Variants in CNGA1 observed in about 807,000 individuals in gnomAD.
The protein encoded by CNGA1 is cyclic nucleotide gated channel subunit alpha 1.
A neutral mutation model predicts 69.7 loss-of-function variants in CNGA1; 53 were observed. That is an observed-to-expected ratio of 0.76 (90% CI 0.61 to 0.96). CNGA1 has a LOEUF of 0.96. Ranked by LOEUF, CNGA1 falls within the 40% of genes least tolerant of loss-of-function variation. The probability of loss-of-function intolerance (pLI) is 0.00; values close to 1 mark genes in which losing one functional copy is unlikely to be tolerated. For synonymous variants in CNGA1, 249 were observed against 283.5 expected (o/e 0.88, Z 1.22); for missense variants, 739 against 811.2 (o/e 0.91, Z 1.08).
At chr4:47,938,397 ATT>A (rs10647718) in intron 10 of CNGA1, among the ~76,000 whole-genome samples, 65 of 142,712 alleles carry the variant, frequency 4.6e-4, no homozygotes, top group Non-Finnish European at 7.0e-4. Flanking sequence ...TACTAAGTGC[ATT>A]TTTTTTTTTT....
At chr4:47,950,967 T>A (rs1739703611) in intron 5 of CNGA1, among the ~76,000 whole-genome samples, 1 of 152,190 alleles carries the variant, frequency 6.6e-6, no homozygotes, top group Admixed American at 6.5e-5. Context: ...CAGAAAGGAC[T>A]GGGTTTCTTA....
chr4:47,951,271 C>T, intron 5 of CNGA1, 82 bp downstream of exon 5: 2 of 858,492 alleles, frequency 2.3e-6, no homozygotes, highest in Non-Finnish European at 4.0e-6. Context: ...TCACCATGAT[C>T]TGATTGCAAA....
chr4:47,936,633 T>C lies in CNGA1; in HGVS notation c.1849A>G (p.Lys617Glu). The change falls in exon 11 of 11, where the codon AAA (lysine) becomes GAA (glutamate). Residue 617 changes from lysine to glutamate, a missense_variant. Transcript: ENST00000514170. ...LNIANAGSDP[K>E]DLEEKVTRME... ...CGAGTAACCTTCTCTTCAAGATCTT[T>C]AGGATCACTGCCAGCATTTGCAATG... 1 of 1,614,170 alleles carries C rather than the reference T, an allele frequency of 6.2e-7. No individual in the cohort carries two copies. The highest frequency in any genetic ancestry group is 8.5e-7 in the Non-Finnish European group (1 of 1,180,012).
intron 2 of CNGA1, 112 bp downstream of exon 2, chr4:48,010,682 C>CT (rs1715115569): frequency 6.5e-6 from 1 of 153,432 alleles, no homozygotes; most frequent in Non-Finnish European, 1.4e-5. Flanking sequence ...GACTAGTGTT[C>CT]AGCTCGATTA....
intron 1 of CNGA1, among the ~76,000 whole-genome samples, chr4:48,012,558 C>CTTTTTTTTTTTTTTTTTTTTTTTTT (rs528643370): frequency 1.5e-5 from 1 of 64,954 alleles, no homozygotes; most frequent in African/African-American, 6.6e-5. Context: ...ACCACACCAT[C>CTTTTTTTTTTTTTTTTTTTTTTTTT]TTTTTTTTTT....
intron 3 of CNGA1, among the ~76,000 whole-genome samples, chr4:47,979,300 A>C (rs1336370393): frequency 7.0e-6 from 1 of 142,508 alleles, no homozygotes; most frequent in Non-Finnish European, 1.5e-5. Context: ...CAGCCTGGGC[A>C]ACAGAGCAAC....
rs549536972 is a variant in CNGA1, at chr4:47,941,912, T to A, written c.545+129A>T. 3 of 663,302 alleles carry A rather than the reference T, an allele frequency of 4.5e-6. No individual in the cohort carries two copies. In the Admixed American group the frequency reaches 7.8e-5, roughly 17 times the overall value. The allele number at this position is 663,302 out of a possible 1,614,324, so 41.1% of individuals were successfully genotyped here. Reference sequence around the variant, plus strand: ...AACACACTGAGAATAATCTAGCCTCTCTTTACCACCTGCAGTAGAGAAAGG... The same window carrying A: ...AACACACTGAGAATAATCTAGCCTCACTTTACCACCTGCAGTAGAGAAAGG... On this transcript the variant is annotated intron_variant, in intron 9 of 10. Coordinates refer to ENST00000514170, the MANE Select transcript of CNGA1 (RefSeq NM_001379270.1).
chr4:48,006,037 A>T (rs1714901997), intron 2 of CNGA1, among the ~76,000 whole-genome samples: 1 of 152,204 alleles, frequency 6.6e-6, no homozygotes, highest in African/African-American at 2.4e-5. Flanking sequence ...TGACTTTGAA[A>T]AACAAAAGAA....
rs542344388 is a variant in CNGA1, at chr4:47,942,412, T to C, written c.438-264A>G. 6.0e-5 allele frequency among the ~76,000 whole-genome samples: 9 copies of C among 150,730 alleles called. No homozygotes were observed. The South Asian group carries it at 1.7e-3, about 28-fold the overall frequency. ...GCCAGCTATGTTTTATTAAGCTAAA[T>C]GTTAAAGAGATGTGTAAAAATGTAA... On this transcript the variant is annotated intron_variant, in intron 8 of 10. Coordinates refer to ENST00000514170, the MANE Select transcript of CNGA1 (RefSeq NM_001379270.1).
chr4:47,952,094 GGCTCA>G (rs1202721338), intron 4 of CNGA1, among the ~76,000 whole-genome samples: 2 of 152,166 alleles, frequency 1.3e-5, no homozygotes, highest in Non-Finnish European at 2.9e-5. Context: ...TGGGCATGGT[GGCTCA>G]TGCCTGTAAT....
rs1390055149 is a variant in CNGA1, at chr4:47,974,114, AGATAGATAGAT to A, written c.-15+7268_-15+7278del. ...TAGATAGATAGATAGATAGATAGAT[AGATAGATAGAT>A]GATAGATAGCTAGATAAAACTTTAA... On this transcript the variant is annotated intron_variant, in intron 3 of 10. Coordinates refer to ENST00000514170, the MANE Select transcript of CNGA1 (RefSeq NM_001379270.1). 3.4e-5 allele frequency among the ~76,000 whole-genome samples: 5 copies of A among 145,758 alleles called. No homozygotes were observed. The East Asian group carries it at 6.0e-4, about 17-fold the overall frequency.
intron 3 of CNGA1, among the ~76,000 whole-genome samples, chr4:47,956,801 G>C (rs1740117177): frequency 6.6e-6 from 1 of 152,150 alleles, no homozygotes; most frequent in African/African-American, 2.4e-5. Context: ...CACATTCCCA[G>C]ACTTTTTGTT....
At position 47,981,464 on chromosome 4, in the gene CNGA1, A is replaced by T. The variant is rs1189011949; in HGVS notation, c.-86T>A. On this transcript the variant is annotated 5_prime_UTR_variant, in exon 3 of 11. It introduces an in-frame stop codon into an upstream open reading frame of the 5' UTR. Transcript: ENST00000514170. ...CACTGGTGTATCCAAACAAACAGGG[A>T]TATACGGTAAATCTTGACATTGTCA... The T allele has an allele frequency of 6.6e-6, 1 of 152,236 alleles. No homozygotes were observed. Among genetic ancestry groups the T allele is most frequent in the Non-Finnish European group, 1.5e-5 (1 of 68,044 alleles). 9.4% of individuals were successfully genotyped at this position (152,236 alleles called of 1,614,324 possible).
At chr4:47,955,302 C>G (rs1473282990) in intron 3 of CNGA1, among the ~76,000 whole-genome samples, 1 of 150,766 alleles carries the variant, frequency 6.6e-6, no homozygotes, top group Admixed American at 6.6e-5. Context: ...CCTGTCTCAG[C>G]CTCCCAAGTA....
intron 3 of CNGA1, among the ~76,000 whole-genome samples, chr4:47,954,923 A>G (rs1188141247): frequency 6.6e-6 from 1 of 152,216 alleles, no homozygotes. Flanking sequence ...CCTTTAGGCT[A>G]TATTCAAACA....
intron 3 of CNGA1, chr4:47,971,193 TG>T: frequency 2.6e-6 from 1 of 388,590 alleles, no homozygotes; most frequent in South Asian, 1.9e-5. Flanking sequence ...TGTGTGTGTG[TG>T]TGTGCTGTGC....
intron 2 of CNGA1, among the ~76,000 whole-genome samples, chr4:47,988,937 A>T (rs1056224530): frequency 6.6e-6 from 1 of 152,052 alleles, no homozygotes; most frequent in Admixed American, 6.6e-5. Context: ...GGTCAACTTT[A>T]AATAGAATGT....
intron 6 of CNGA1, 131 bp from the exon 7 acceptor site, chr4:47,943,543 C>A: frequency 1.8e-6 from 1 of 565,100 alleles, no homozygotes; most frequent in Admixed American, 3.8e-5. Flanking sequence ...CATCTGGTCT[C>A]TTACTGGAGG....
At chr4:47,942,992 T>G (rs1739188555) in intron 8 of CNGA1, 189 bp downstream of exon 8, 1 of 498,352 alleles carries the variant, frequency 2.0e-6, no homozygotes. Context: ...TTAGGGAAAT[T>G]GGAAAAAGTT....
Sources: allele counts gnomAD v4.1 joint callset (sites outside exome capture counted in the v4.1 genomes callset), GRCh38; gene constraint gnomAD v4.1.1; transcripts MANE v1.5; gene names NCBI Gene and HGNC (gene_info 2026-07-23, HGNC 2026-07-21).